The following HM13 variants were observed in gnomAD, a reference collection of about 807,000 sequenced individuals.
HM13 encodes the protein histocompatibility minor 13.
Under a neutral mutation model 50.0 loss-of-function variants are expected in HM13, and 18 were observed. The ratio of observed to expected loss-of-function variants is 0.36; its 90% confidence interval spans 0.25 to 0.53. The LOEUF (loss-of-function observed/expected upper bound fraction) is 0.53. HM13 is among the 20% of genes least tolerant of loss of function. HM13 has a pLI of 0.90. For synonymous variants in HM13, 197 were observed against 232.6 expected, an observed-to-expected ratio of 0.85 and a Z score of 1.39; for missense variants, 393 against 552.4, an observed-to-expected ratio of 0.71 and a Z score of 2.89.
chr20:31,537,432 G>A (rs1983176854), intron 2 of HM13, among the ~76,000 whole-genome samples: 2 of 152,372 alleles, frequency 1.3e-5, no homozygotes, highest in African/African-American at 4.8e-5. Flanking sequence ...CTGCTTGAGA[G>A]TGGCCAGGTT....
intron 3 of HM13, among the ~76,000 whole-genome samples, chr20:31,543,727 C>G (rs7274269): frequency 0.31 from 46,997 of 151,210 alleles, 12,095 homozygotes; most frequent in African/African-American, 0.71. Context: ...GTCAGGAGAT[C>G]GAGACCATCC....
chr20:31,550,129 AC>A lies in HM13; in HGVS notation c.724+10del. 1.2e-6 allele frequency: 2 copies of A among 1,612,166 alleles called. No homozygotes were observed. Among genetic ancestry groups the A allele is most frequent in the Non-Finnish European group, 1.7e-6 (2 of 1,178,622 alleles). ...TCGAGGCACCAATAAAATGTAAGTG[AC>A]CACCCTGCCACAGGGAACCCCTTCC... is the stretch of plus-strand genomic sequence containing the variant. On this transcript the variant is annotated intron_variant, in intron 7 of 12. Coordinates refer to ENST00000398174, the MANE Select transcript of HM13 (RefSeq NM_178581.3).
chr20:31,518,335 ATTT>A (rs1218290849), intron 1 of HM13, among the ~76,000 whole-genome samples: 1 of 139,030 alleles, frequency 7.2e-6, no homozygotes, highest in African/African-American at 2.6e-5. Flanking sequence ...GCGCCCAGCA[ATTT>A]TTTTTTTTTC....
intron 4 of HM13, chr20:31,547,374 C>T (rs1332246389): frequency 5.3e-6 from 2 of 380,562 alleles, no homozygotes; most frequent in South Asian, 3.4e-5. Flanking sequence ...TGTCATCTTC[C>T]GGTTAGCGAC....
chr20:31,557,333 C>T (rs960285267), intron 8 of HM13, among the ~76,000 whole-genome samples: 1 of 152,228 alleles, frequency 6.6e-6, no homozygotes, highest in Admixed American at 6.5e-5. Flanking sequence ...GTGTCCTTGT[C>T]ATAAGTTCCA....
intron 11 of HM13, among the ~76,000 whole-genome samples, chr20:31,567,309 T>C (rs530813845): frequency 6.6e-6 from 1 of 152,246 alleles, no homozygotes; most frequent in East Asian, 1.9e-4. Flanking sequence ...CAGCCCAGGT[T>C]TCCCTGCCCC....
chr20:31,547,017 C>T (rs571797243), intron 4 of HM13, among the ~76,000 whole-genome samples: 2 of 152,332 alleles, frequency 1.3e-5, no homozygotes, highest in East Asian at 3.9e-4. Context: ...CCATATACAG[C>T]ACTGGCCCTC....
At chr20:31,543,063 C>T (rs959221116) in intron 3 of HM13, among the ~76,000 whole-genome samples, 1 of 152,136 alleles carries the variant, frequency 6.6e-6, no homozygotes, top group Non-Finnish European at 1.5e-5. Context: ...TCAGACTCCC[C>T]CAAAACTGAT....
intron 7 of HM13, 100 bp downstream of exon 7, chr20:31,550,221 A>C: frequency 4.8e-6 from 4 of 839,998 alleles, no homozygotes; most frequent in East Asian, 2.5e-5. Flanking sequence ...TCTCTTCCCC[A>C]TGTACCTCTT....
intron 4 of HM13, among the ~76,000 whole-genome samples, chr20:31,545,612 T>A (rs1245103768): frequency 3.3e-5 from 5 of 152,142 alleles, no homozygotes; most frequent in Admixed American, 2.6e-4. Flanking sequence ...AAAAAAATTG[T>A]AAAAAAATGC....
intron 7 of HM13, among the ~76,000 whole-genome samples, chr20:31,553,633 A>G (rs905252279): frequency 2.1e-4 from 32 of 151,998 alleles, no homozygotes; most frequent in African/African-American, 6.8e-4. Context: ...GCCCACTTAT[A>G]ACTGCTCTTC....
At chr20:31,533,267 C>G (rs1982919004) in intron 2 of HM13, among the ~76,000 whole-genome samples, 1 of 152,228 alleles carries the variant, frequency 6.6e-6, no homozygotes, top group Admixed American at 6.5e-5. Context: ...CTTTGGGAGG[C>G]CGAGGCGGGC....
intron 3 of HM13, 183 bp downstream of exon 3, chr20:31,538,444 CCA>C: frequency 7.0e-7 from 1 of 1,434,004 alleles, no homozygotes. Context: ...CCTCTCTGGG[CCA>C]CAGTTTCCTT....
chr20:31,529,240 TTTTG>T (rs1982670622), intron 2 of HM13, among the ~76,000 whole-genome samples: 2 of 151,858 alleles, frequency 1.3e-5, no homozygotes, highest in Middle Eastern at 3.2e-3. Flanking sequence ...CAGGCCCTTG[TTTTG>T]TTTGTTTTGT....
Position 31,569,298 on chromosome 20 carries a change from G to A in HM13, c.*79G>A, listed in dbSNP as rs957620768. Reference sequence around the variant, plus strand: ...CCACACAGGCGTGCACCGGTAGAGGGCACAGGAGGCCAAGGGCAGCTCCAG... The same window carrying A: ...CCACACAGGCGTGCACCGGTAGAGGACACAGGAGGCCAAGGGCAGCTCCAG... On this transcript the variant is annotated 3_prime_UTR_variant, in exon 13 of 13. Transcript: ENST00000398174. 2 of 985,454 alleles carry A rather than the reference G, an allele frequency of 2.0e-6. No individual in the cohort carries two copies. The highest frequency in any genetic ancestry group is 3.1e-6 in the Non-Finnish European group (2 of 644,432). The allele number at this position is 985,454 out of a possible 1,614,324, so 61.0% of individuals were successfully genotyped here.
rs1196563157 is a variant in HM13, at chr20:31,554,973, C to T, written c.808+144C>T. 1.5e-5 allele frequency: 11 copies of T among 728,748 alleles called. No homozygotes were observed. In the East Asian group the frequency reaches 2.5e-4, roughly 16 times the overall value. The allele number at this position is 728,748 out of a possible 1,614,324, so 45.1% of individuals were successfully genotyped here. On this transcript the variant is annotated intron_variant, in intron 8 of 12. Transcript: ENST00000398174. ...TCAGGCCAGGGATTGGTGAAGGGTT[C>T]CCCCTTAACATCCGTTTACGGAGGG...
At chr20:31,518,866 TAG>T (rs377009137) in intron 1 of HM13, among the ~76,000 whole-genome samples, 8 of 149,342 alleles carry the variant, frequency 5.4e-5, no homozygotes, top group Middle Eastern at 3.4e-3. Context: ...CATATATATA[TAG>T]AGAGAGAGAG....
chr20:31,560,167 G>A (rs941123485), intron 9 of HM13, among the ~76,000 whole-genome samples: 11 of 152,214 alleles, frequency 7.2e-5, no homozygotes, highest in Non-Finnish European at 1.0e-4. Flanking sequence ...GTGAGCACGA[G>A]GGGGAGAAGG....
chr20:31,567,677 A>T (rs1985002487), intron 11 of HM13: 1 of 164,164 alleles, frequency 6.1e-6, no homozygotes, highest in East Asian at 1.7e-4. Context: ...GAGCACCCTC[A>T]TGCTCCAGCT....
Sources: allele counts gnomAD v4.1 joint callset (sites outside exome capture counted in the v4.1 genomes callset), GRCh38; gene constraint gnomAD v4.1.1; transcripts MANE v1.5; gene names NCBI Gene and HGNC (gene_info 2026-07-23, HGNC 2026-07-21).